The following IMMP2L variants were observed in gnomAD, a reference collection of about 807,000 sequenced individuals.
IMMP2L encodes the protein inner mitochondrial membrane peptidase subunit 2, also known as mitochondrial inner membrane protease subunit 2.
IMMP2L carries 18 observed loss-of-function variants against 19.3 expected under a neutral mutation model. The ratio of observed to expected loss-of-function variants is 0.93; its 90% CI spans 0.64 to 1.38. The LOEUF is 1.38. Among genes scored for constraint, IMMP2L ranks in the 40% most tolerant of loss-of-function variants. IMMP2L has a pLI of 0.00. For synonymous variants in IMMP2L, 76 were observed against 73.0 expected, an observed-to-expected ratio of 1.04 and a Z score of -0.21; for missense variants, 233 against 218.2, an observed-to-expected ratio of 1.07 and a Z score of -0.43.
intron 2 of IMMP2L, among the ~76,000 whole-genome samples, chr7:111,501,860 T>C (rs990245716): frequency 1.2e-4 from 18 of 152,130 alleles, no homozygotes. Context: ...TACCAGCCAC[T>C]GCAAAACATG....
intron 3 of IMMP2L, among the ~76,000 whole-genome samples, chr7:111,447,766 T>A (rs985818785): frequency 6.6e-6 from 1 of 151,518 alleles, no homozygotes; most frequent in African/African-American, 2.4e-5. Context: ...GACTGGCAAG[T>A]TGGATAAAGA....
chr7:111,023,064 A>G (rs561593415), intron 3 of IMMP2L, among the ~76,000 whole-genome samples: 34 of 152,342 alleles, frequency 2.2e-4, no homozygotes, highest in Non-Finnish European at 4.6e-4. Flanking sequence ...AACTGTTGAC[A>G]GCATTCCATG....
At chr7:111,279,851 G>A (rs1476559829) in intron 3 of IMMP2L, among the ~76,000 whole-genome samples, 2 of 151,960 alleles carry the variant, frequency 1.3e-5, no homozygotes, top group African/African-American at 4.8e-5. Context: ...CAAACATTTC[G>A]GGCTTTTAAT....
At chr7:111,327,305 T>A (rs1056308332) in intron 3 of IMMP2L, among the ~76,000 whole-genome samples, 1 of 151,788 alleles carries the variant, frequency 6.6e-6, no homozygotes, top group Non-Finnish European at 1.5e-5. Flanking sequence ...ATTCTTAAAA[T>A]TCATGTAAGA....
chr7:110,837,007 T>C (rs1423163585), intron 5 of IMMP2L, among the ~76,000 whole-genome samples: 1 of 152,118 alleles, frequency 6.6e-6, no homozygotes, highest in Non-Finnish European at 1.5e-5. Context: ...TAATCTCAAG[T>C]TCAGGGATTT....
chr7:110,979,948 C>A (rs1821092513), intron 3 of IMMP2L, among the ~76,000 whole-genome samples: 1 of 152,006 alleles, frequency 6.6e-6, no homozygotes, highest in African/African-American at 2.4e-5. Flanking sequence ...TCAGTAAAGC[C>A]ACTATTTTAA....
intron 5 of IMMP2L, among the ~76,000 whole-genome samples, chr7:110,722,040 G>A (rs371501318): frequency 1.3e-5 from 2 of 151,996 alleles, no homozygotes; most frequent in African/African-American, 4.8e-5. Context: ...TAGTGAGAGG[G>A]TTCATTTGAG....
At chr7:111,275,656 T>C (rs1319512198) in intron 3 of IMMP2L, among the ~76,000 whole-genome samples, 1 of 152,220 alleles carries the variant, frequency 6.6e-6, no homozygotes, top group African/African-American at 2.4e-5. Context: ...GATTTAATGA[T>C]AATGATTCTT....
At chr7:111,524,122 T>C (rs1424393735) in intron 1 of IMMP2L, among the ~76,000 whole-genome samples, 3 of 152,106 alleles carry the variant, frequency 2.0e-5, no homozygotes, top group South Asian at 2.1e-4. Context: ...TTTTCCTCAA[T>C]ATTAGATTTC....
intron 5 of IMMP2L, among the ~76,000 whole-genome samples, chr7:110,814,242 T>A (rs992340383): frequency 6.6e-6 from 1 of 151,960 alleles, no homozygotes; most frequent in Admixed American, 6.6e-5. Context: ...GAATGGTGTA[T>A]AATGTTTTTA....
At chr7:110,742,285 G>A (rs1475031320) in intron 5 of IMMP2L, among the ~76,000 whole-genome samples, 2 of 152,016 alleles carry the variant, frequency 1.3e-5, no homozygotes, top group Non-Finnish European at 2.9e-5. Flanking sequence ...ATAACCAAAA[G>A]GCTTAAAAAT....
intron 3 of IMMP2L, among the ~76,000 whole-genome samples, chr7:111,007,482 C>G (rs907004398): frequency 6.6e-6 from 1 of 152,108 alleles, no homozygotes; most frequent in Non-Finnish European, 1.5e-5. Flanking sequence ...TCTTAATTCT[C>G]TTGCCTCATC....
At chr7:110,966,492 G>C (rs1819558186) in intron 3 of IMMP2L, among the ~76,000 whole-genome samples, 1 of 148,300 alleles carries the variant, frequency 6.7e-6, no homozygotes, top group Admixed American at 6.6e-5. Flanking sequence ...ACCTATCAGT[G>C]TAAAAAATAT....
chr7:110,663,352 C>A lies in IMMP2L; in HGVS notation c.*250G>T, dbSNP rs978828453. The A allele has an allele frequency of 3.0e-6, 1 of 337,182 alleles. No individual in the cohort carries two copies. Among genetic ancestry groups the A allele is most frequent in the Non-Finnish European group, 5.4e-6 (1 of 185,544 alleles). 20.9% of individuals were successfully genotyped at this position (337,182 alleles called of 1,614,324 possible). A position where few individuals can be genotyped will look rare whatever the true frequency, so the allele number is the denominator to read the frequency against. On this transcript the variant is annotated 3_prime_UTR_variant, in exon 6 of 6. Coordinates refer to ENST00000405709, the MANE Select transcript of IMMP2L (RefSeq NM_032549.4). ...ATGTGGGTGCAATATTTTTATATTC[C>A]CAAAGGTCTGCATATTTTGGGGGCA... is the stretch of plus-strand genomic sequence containing the variant.
At chr7:111,422,610 A>G (rs1440235780) in intron 3 of IMMP2L, among the ~76,000 whole-genome samples, 3 of 151,822 alleles carry the variant, frequency 2.0e-5, no homozygotes, top group Non-Finnish European at 4.4e-5. Context: ...GCTTAAGGAG[A>G]TTTTGGGTTG....
intron 4 of IMMP2L, among the ~76,000 whole-genome samples, chr7:110,958,316 T>C (rs979039441): frequency 6.6e-6 from 1 of 152,032 alleles, no homozygotes; most frequent in African/African-American, 2.4e-5. Flanking sequence ...TGACCCAATA[T>C]TTCCACTTTT....
At chr7:110,855,812 T>C (rs1433009726) in intron 5 of IMMP2L, among the ~76,000 whole-genome samples, 1 of 152,012 alleles carries the variant, frequency 6.6e-6, no homozygotes, top group Non-Finnish European at 1.5e-5. Flanking sequence ...CAATTAGATA[T>C]GCCACTCCTT....
chr7:110,949,601 A>G (rs1328084251), intron 4 of IMMP2L, among the ~76,000 whole-genome samples: 1 of 152,102 alleles, frequency 6.6e-6, no homozygotes, highest in Non-Finnish European at 1.5e-5. Context: ...TATTTATTTT[A>G]TGTGTTGCCT....
At chr7:111,119,816 G>A (rs1213134059) in intron 3 of IMMP2L, among the ~76,000 whole-genome samples, 1 of 152,104 alleles carries the variant, frequency 6.6e-6, no homozygotes, top group Non-Finnish European at 1.5e-5. Flanking sequence ...GTTAGTGCCT[G>A]GTGAAGGAAA....
Sources: gnomAD v4.1 joint callset for allele counts (sites outside exome capture counted in the v4.1 genomes callset) on GRCh38, gnomAD v4.1.1 for gene constraint, MANE v1.5 for transcripts, NCBI Gene and HGNC (gene_info 2026-07-23, HGNC 2026-07-21) for gene names.